DIAPH3: variants seen among roughly 807,000 people sequenced by gnomAD.
The protein encoded by DIAPH3 is diaphanous related formin 3, also known as protein diaphanous homolog 3.
Under a neutral mutation model 144.3 loss-of-function variants are expected in DIAPH3, and 117 were observed. The observed-to-expected ratio is 0.81, with a 90% CI of 0.70 to 0.95. The LOEUF is 0.95. Ranked by LOEUF, DIAPH3 falls within the 40% of genes least tolerant of loss-of-function variation. The pLI, the probability that DIAPH3 is intolerant of heterozygous loss-of-function variation, is 0.00. For missense variants in DIAPH3, 1,421 were observed against 1,412.7 expected (o/e 1.01, Z -0.09); for synonymous variants, 519 against 488.9 (o/e 1.06, Z -0.81).
chr13:60,004,006 T>C (rs1341417989), intron 9 of DIAPH3, among the ~76,000 whole-genome samples: 1 of 152,196 alleles, frequency 6.6e-6, no homozygotes, highest in Non-Finnish European at 1.5e-5. Context: ...CAAATTATCA[T>C]TATTAGGATC....
At chr13:59,877,220 C>G (rs2044687229) in intron 21 of DIAPH3, among the ~76,000 whole-genome samples, 1 of 152,152 alleles carries the variant, frequency 6.6e-6, no homozygotes, top group Admixed American at 6.5e-5. Flanking sequence ...TGAGCAACCA[C>G]TTCAAACATG....
intron 21 of DIAPH3, among the ~76,000 whole-genome samples, chr13:59,878,689 A>G (rs567250718): frequency 1.7e-3 from 258 of 152,256 alleles, no homozygotes; most frequent in African/African-American, 6.0e-3. Flanking sequence ...CTCCATTTTC[A>G]TGTCCTCTAG....
chr13:60,029,998 G>A (rs749342888), intron 5 of DIAPH3, among the ~76,000 whole-genome samples: 1 of 151,912 alleles, frequency 6.6e-6, no homozygotes, highest in African/African-American at 2.4e-5. Flanking sequence ...TCTGCCACAC[G>A]GTTTTTCCAC....
intron 25 of DIAPH3, among the ~76,000 whole-genome samples, chr13:59,793,982 A>C (rs571176350): frequency 2.0e-4 from 30 of 152,356 alleles, no homozygotes; most frequent in African/African-American, 7.0e-4. Flanking sequence ...ACAATCAAGC[A>C]AAGCAATACA....
intron 4 of DIAPH3, among the ~76,000 whole-genome samples, chr13:60,055,799 C>A (rs1389322826): frequency 6.6e-6 from 1 of 151,794 alleles, no homozygotes; most frequent in Non-Finnish European, 1.5e-5. Flanking sequence ...GGAACTAATA[C>A]AATCGCATAC....
intron 1 of DIAPH3, among the ~76,000 whole-genome samples, chr13:60,138,286 G>A (rs1046341668): frequency 6.6e-6 from 1 of 152,180 alleles, no homozygotes; most frequent in Admixed American, 6.5e-5. Context: ...AGTCATGCCT[G>A]TAATGATGTG....
intron 25 of DIAPH3, among the ~76,000 whole-genome samples, chr13:59,776,949 CA>C (rs370913061): frequency 3.4e-4 from 50 of 146,810 alleles, no homozygotes; most frequent in Non-Finnish European, 2.0e-4. Context: ...AACAAACAAA[CA>C]AAAAAACCCT....
At chr13:60,076,835 C>T (rs1300659555) in intron 4 of DIAPH3, among the ~76,000 whole-genome samples, 1 of 152,082 alleles carries the variant, frequency 6.6e-6, no homozygotes, top group Non-Finnish European at 1.5e-5. Context: ...TATTTAAAGA[C>T]ATTTTATTCA....
intron 22 of DIAPH3, among the ~76,000 whole-genome samples, chr13:59,843,027 G>C (rs972693551): frequency 1.3e-5 from 2 of 152,136 alleles, no homozygotes; most frequent in Non-Finnish European, 2.9e-5. Flanking sequence ...CATACATTGG[G>C]TATAAGCCCA....
chr13:59,941,248 A>C (rs2048516159), intron 17 of DIAPH3, among the ~76,000 whole-genome samples: 1 of 152,168 alleles, frequency 6.6e-6, no homozygotes. Flanking sequence ...TACTATAAGG[A>C]GTGGCTAGGA....
At chr13:59,807,664 G>A (rs530410537) in intron 25 of DIAPH3, among the ~76,000 whole-genome samples, 1 of 152,060 alleles carries the variant, frequency 6.6e-6, no homozygotes, top group African/African-American at 2.4e-5. Context: ...AAGTCCTATT[G>A]GGTGAAGATT....
intron 9 of DIAPH3, among the ~76,000 whole-genome samples, chr13:60,005,222 T>G (rs1201613122): frequency 1.3e-5 from 2 of 151,146 alleles, no homozygotes; most frequent in African/African-American, 2.4e-5. Flanking sequence ...CTAAAATATT[T>G]TGCTATTAAT....
chr13:60,021,312 G>A (rs2054001548), intron 5 of DIAPH3, among the ~76,000 whole-genome samples: 1 of 152,162 alleles, frequency 6.6e-6, no homozygotes, highest in South Asian at 2.1e-4. Flanking sequence ...AGAGAGATGA[G>A]ATGAAAGAAA....
chr13:59,784,012 A>G (rs1341769931), intron 25 of DIAPH3, among the ~76,000 whole-genome samples: 1 of 152,172 alleles, frequency 6.6e-6, no homozygotes, highest in African/African-American at 2.4e-5. Context: ...GTGTGCTTTT[A>G]TAGCTCCTTC....
At chr13:60,116,651 G>A (rs1266356700) in intron 2 of DIAPH3, among the ~76,000 whole-genome samples, 1 of 150,900 alleles carries the variant, frequency 6.6e-6, no homozygotes, top group African/African-American at 2.4e-5. Flanking sequence ...GTGAAATTAA[G>A]CAAAACTTCA....
intron 12 of DIAPH3, among the ~76,000 whole-genome samples, chr13:59,988,090 T>C (rs2051548396): frequency 6.6e-6 from 1 of 151,862 alleles, no homozygotes; most frequent in South Asian, 2.1e-4. Context: ...ATAAACCATC[T>C]ATTACAGTGA....
rs547252233 is a variant in DIAPH3, at chr13:60,153,334, C to T, written c.180+10253G>A. On this transcript the variant is annotated intron_variant, in intron 1 of 27. Transcript: ENST00000400324. ...AGAGTTTTTATTTTTTCTGCTGCTT[C>T]AACAGTTTTATAACATTTACTAAAA... The T allele has an allele frequency of 8.5e-5, 13 of 152,176 alleles. No homozygotes were observed. In the South Asian group the frequency reaches 2.7e-3, roughly 32 times the overall value. 9.4% of individuals were successfully genotyped at this position (152,176 alleles called of 1,614,324 possible).
At chr13:60,145,108 C>A (rs1018675572) in intron 1 of DIAPH3, among the ~76,000 whole-genome samples, 1 of 152,130 alleles carries the variant, frequency 6.6e-6, no homozygotes, top group Admixed American at 6.5e-5. Flanking sequence ...TCTTAGAGAA[C>A]AGGAAATTGA....
chr13:59,811,732 G>C (rs1403408896), intron 24 of DIAPH3, among the ~76,000 whole-genome samples: 1 of 107,724 alleles, frequency 9.3e-6, no homozygotes, highest in Non-Finnish European at 1.8e-5. Context: ...GCAAGACTCT[G>C]TCTCAAAAAA....
Sources: allele counts gnomAD v4.1 joint callset (sites outside exome capture counted in the v4.1 genomes callset), GRCh38; gene constraint gnomAD v4.1.1; transcripts MANE v1.5; gene names NCBI Gene and HGNC (gene_info 2026-07-23, HGNC 2026-07-21).